DLG1: variants seen among roughly 807,000 people sequenced by gnomAD.
The protein encoded by DLG1 is discs large MAGUK scaffold protein 1.
DLG1 carries 42 observed loss-of-function variants against 123.4 expected under a neutral mutation model. That is an observed-to-expected ratio of 0.34 (90% CI 0.27 to 0.44). The LOEUF is 0.44. Among genes scored for constraint, DLG1 ranks in the 20% least tolerant of loss-of-function variants. The pLI is 1.00. For synonymous variants in DLG1, 317 were observed against 356.2 expected, an observed-to-expected ratio of 0.89 and a Z score of 1.24; for missense variants, 942 against 1,082.6, an observed-to-expected ratio of 0.87 and a Z score of 1.82.
At chr3:197,260,493 C>T (rs942297103) in intron 4 of DLG1, 17 of 192,324 alleles carry the variant, frequency 8.8e-5, no homozygotes, top group Middle Eastern at 2.2e-3. Flanking sequence ...GAGTCTGTCA[C>T]GTGCCCTACA....
chr3:197,207,729 T>C (rs1331811053), intron 4 of DLG1, among the ~76,000 whole-genome samples: 1 of 115,912 alleles, frequency 8.6e-6, no homozygotes, highest in Non-Finnish European at 2.1e-5. Flanking sequence ...GTACTATTTT[T>C]AATAAAGTTT....
intron 4 of DLG1, among the ~76,000 whole-genome samples, chr3:197,267,324 G>A (rs899276890): frequency 3.3e-5 from 5 of 152,062 alleles, no homozygotes; most frequent in Admixed American, 1.3e-4. Context: ...TAACATATGC[G>A]AACAGCTTCT....
At chr3:197,163,484 C>T (rs1561158176) in intron 5 of DLG1, among the ~76,000 whole-genome samples, 2 of 151,354 alleles carry the variant, frequency 1.3e-5, no homozygotes, top group African/African-American at 2.4e-5. Flanking sequence ...AGGAGATGAA[C>T]GGATACACAA....
intron 22 of DLG1, among the ~76,000 whole-genome samples, chr3:197,062,163 C>T (rs1736272753): frequency 6.6e-6 from 1 of 152,174 alleles, no homozygotes; most frequent in Non-Finnish European, 1.5e-5. Flanking sequence ...ATTGAAAATG[C>T]ATTTAATATA....
chr3:197,122,102 T>A (rs962386750), intron 11 of DLG1, among the ~76,000 whole-genome samples: 8 of 151,930 alleles, frequency 5.3e-5, no homozygotes, highest in African/African-American at 1.9e-4. Flanking sequence ...AAACAAAATA[T>A]AAGCAGTTCA....
chr3:197,215,493 A>G (rs1034558398), intron 4 of DLG1, among the ~76,000 whole-genome samples: 1 of 152,334 alleles, frequency 6.6e-6, no homozygotes, highest in East Asian at 1.9e-4. Context: ...AGTCAAAACA[A>G]GACAAGAAAT....
chr3:197,047,153 G>C (rs1452689792), intron 24 of DLG1, among the ~76,000 whole-genome samples: 7 of 152,104 alleles, frequency 4.6e-5, no homozygotes, highest in Non-Finnish European at 8.8e-5. Flanking sequence ...TCTATAGTTA[G>C]ATGAGACATA....
At chr3:197,265,492 A>G (rs1761288716) in intron 4 of DLG1, among the ~76,000 whole-genome samples, 1 of 152,206 alleles carries the variant, frequency 6.6e-6, no homozygotes, top group African/African-American at 2.4e-5. Context: ...GAATAAACAG[A>G]GCTAAAACTC....
intron 5 of DLG1, among the ~76,000 whole-genome samples, chr3:197,172,282 A>G (rs1050746297): frequency 6.6e-6 from 1 of 152,192 alleles, no homozygotes; most frequent in Non-Finnish European, 1.5e-5. Context: ...ACATATAATT[A>G]TGTACGGTAT....
At chr3:197,172,893 A>G (rs1804953693) in intron 5 of DLG1, among the ~76,000 whole-genome samples, 1 of 152,230 alleles carries the variant, frequency 6.6e-6, no homozygotes, top group African/African-American at 2.4e-5. Flanking sequence ...AAATATTTTC[A>G]TCGCTTTTCT....
At chr3:197,101,766 T>G (rs746764928) in intron 14 of DLG1, among the ~76,000 whole-genome samples, 4 of 151,658 alleles carry the variant, frequency 2.6e-5, no homozygotes, top group Non-Finnish European at 5.9e-5. Context: ...GAGTATAGTA[T>G]TATATTTCCA....
At chr3:197,263,402 A>G (rs1040477756) in intron 4 of DLG1, among the ~76,000 whole-genome samples, 1 of 152,128 alleles carries the variant, frequency 6.6e-6, no homozygotes, top group African/African-American at 2.4e-5. Flanking sequence ...AAAAAACTCA[A>G]TGACTCCTAA....
intron 14 of DLG1, among the ~76,000 whole-genome samples, chr3:197,092,292 T>G (rs554583957): frequency 6.6e-6 from 1 of 152,352 alleles, no homozygotes; most frequent in South Asian, 2.1e-4. Flanking sequence ...GTATCTGCTT[T>G]CTTGGATATG....
chr3:197,136,729 C>T, intron 9 of DLG1, 51 bp from the exon 10 acceptor site: 1 of 1,516,278 alleles, frequency 6.6e-7, no homozygotes, highest in South Asian at 1.3e-5. Context: ...AACTTAAGCC[C>T]AGAAAGAAAT....
chr3:197,174,654 CTGA>C (rs1037120130), intron 5 of DLG1, among the ~76,000 whole-genome samples: 72 of 152,264 alleles, frequency 4.7e-4, no homozygotes, highest in African/African-American at 1.6e-3. Flanking sequence ...TACTTTCCAA[CTGA>C]TTTCTTTCCA....
At chr3:197,229,484 C>T (rs1741745741) in intron 4 of DLG1, among the ~76,000 whole-genome samples, 2 of 143,952 alleles carry the variant, frequency 1.4e-5, no homozygotes, top group South Asian at 2.2e-4. Context: ...AAGTCCTAGA[C>T]AGTGAAGTTA....
chr3:197,071,406 T>C (rs979056114), intron 18 of DLG1, among the ~76,000 whole-genome samples: 1 of 147,678 alleles, frequency 6.8e-6, no homozygotes, highest in Non-Finnish European at 1.5e-5. Flanking sequence ...TCACTGTCTT[T>C]TTTTTTTTTT....
intron 11 of DLG1, among the ~76,000 whole-genome samples, chr3:197,127,491 T>A (rs1388590437): frequency 1.8e-4 from 9 of 49,278 alleles, no homozygotes; most frequent in South Asian, 8.2e-4. Context: ...TATATATATA[T>A]ATATAAAGTA....
intron 4 of DLG1, among the ~76,000 whole-genome samples, chr3:197,222,364 T>C (rs1345721115): frequency 2.0e-5 from 3 of 152,338 alleles, no homozygotes; most frequent in South Asian, 4.1e-4. Flanking sequence ...TCCACAGCTG[T>C]AGCAGCTGCA....
Sources: allele counts gnomAD v4.1 joint callset (sites outside exome capture counted in the v4.1 genomes callset), GRCh38; gene constraint gnomAD v4.1.1; transcripts MANE v1.5; gene names NCBI Gene and HGNC (gene_info 2026-07-23, HGNC 2026-07-21).